The following CDH12 variants were observed in gnomAD, a reference collection of about 807,000 sequenced individuals.
CDH12 encodes cadherin-12.
In CDH12, 41 loss-of-function variants were observed where a neutral mutation model predicts 74.1. The observed-to-expected ratio is 0.55, with a 90% CI of 0.43 to 0.72. The LOEUF (loss-of-function observed/expected upper bound fraction) is 0.72. Among genes scored for constraint, CDH12 ranks in the 30% least tolerant of loss-of-function variants. The probability of loss-of-function intolerance (pLI) is 0.00; values close to 1 mark genes in which losing one functional copy is unlikely to be tolerated. For missense variants in CDH12, 945 were observed against 977.2 expected (o/e 0.97, Z 0.44); for synonymous variants, 399 against 355.0 (o/e 1.12, Z -1.39).
At chr5:22,218,212 C>T (rs551504867) in intron 3 of CDH12, among the ~76,000 whole-genome samples, 39 of 151,546 alleles carry the variant, frequency 2.6e-4, no homozygotes, top group Non-Finnish European at 4.9e-4. Flanking sequence ...AAACGTATGC[C>T]TATCGTGTGA....
chr5:22,759,837 G>C (rs545605390), intron 1 of CDH12, among the ~76,000 whole-genome samples: 2 of 152,270 alleles, frequency 1.3e-5, no homozygotes, highest in Admixed American at 1.3e-4. Context: ...GAAATCTGCA[G>C]GGTAGGTGGG....
intron 2 of CDH12, among the ~76,000 whole-genome samples, chr5:22,485,687 C>G (rs1746563183): frequency 6.6e-6 from 1 of 151,756 alleles, no homozygotes; most frequent in South Asian, 2.1e-4. Context: ...TAGATTTTAC[C>G]TTATCTTATA....
chr5:22,444,539 GTT>G (rs35321671), intron 2 of CDH12, among the ~76,000 whole-genome samples: 10 of 143,100 alleles, frequency 7.0e-5, no homozygotes, highest in Middle Eastern at 3.8e-3. Flanking sequence ...TTTTTTAACA[GTT>G]TTTTTTTTTT....
chr5:21,783,034 A>G (rs1745998428), intron 11 of CDH12, among the ~76,000 whole-genome samples: 1 of 152,170 alleles, frequency 6.6e-6, no homozygotes, highest in African/African-American at 2.4e-5. Context: ...CCTGTGAAAT[A>G]CCCAATGATA....
chr5:21,871,259 TA>T (rs1484881595), intron 6 of CDH12, among the ~76,000 whole-genome samples: 1 of 152,192 alleles, frequency 6.6e-6, no homozygotes, highest in Non-Finnish European at 1.5e-5. Flanking sequence ...AATTCCAGAT[TA>T]ACCATTAAAC....
intron 1 of CDH12, among the ~76,000 whole-genome samples, chr5:22,622,529 G>A (rs186353560): frequency 1.3e-5 from 2 of 152,236 alleles, no homozygotes; most frequent in East Asian, 3.9e-4. Flanking sequence ...TACCATCAGA[G>A]AATACTATAA....
intron 6 of CDH12, among the ~76,000 whole-genome samples, chr5:21,887,912 A>AT (rs35663197): frequency 0.15 from 21,992 of 151,394 alleles, 2,203 homozygotes; most frequent in African/African-American, 0.28. Flanking sequence ...CCAATACTGT[A>AT]TTTTTTTTTT....
intron 2 of CDH12, among the ~76,000 whole-genome samples, chr5:22,452,157 C>T (rs1016239602): frequency 2.0e-5 from 3 of 151,770 alleles, no homozygotes; most frequent in Non-Finnish European, 4.4e-5. Context: ...TCCAAAGTGA[C>T]ATAGAGGTTC....
At chr5:21,852,099 T>G (rs1342313665) in intron 7 of CDH12, among the ~76,000 whole-genome samples, 1 of 151,450 alleles carries the variant, frequency 6.6e-6, no homozygotes, top group Non-Finnish European at 1.5e-5. Flanking sequence ...TTATCCTTGA[T>G]TTTTGATTTA....
chr5:22,009,145 G>A (rs1489079633), intron 5 of CDH12, among the ~76,000 whole-genome samples: 1 of 152,134 alleles, frequency 6.6e-6, no homozygotes, highest in African/African-American at 2.4e-5. Context: ...GCAAGAAGCT[G>A]AGGCGACTAA....
chr5:22,644,076 G>A (rs1316453835), intron 1 of CDH12, among the ~76,000 whole-genome samples: 1 of 151,720 alleles, frequency 6.6e-6, no homozygotes, highest in Non-Finnish European at 1.5e-5. Flanking sequence ...CCTCTCCTCG[G>A]TGCTCCGTAT....
Position 22,269,973 on chromosome 5 carries a change from T to C in CDH12, c.-332-57330A>G, listed in dbSNP as rs114828499. The stretch of plus-strand genomic sequence containing the variant: ...ATAAAATCGTGATTCATTCTACCTA[T>C]TTTGATATGGATAATTACATACATA... On this transcript the variant is annotated intron_variant, in intron 3 of 14. Coordinates refer to ENST00000382254, the MANE Select transcript of CDH12 (RefSeq NM_004061.5). Among the ~76,000 whole-genome samples, 1,191 of 152,284 alleles carry C rather than the reference T, an allele frequency of 7.8e-3. 18 individuals are homozygous for C. Among genetic ancestry groups the C allele is most frequent in the African/African-American group, 0.027 (1,136 of 41,562 alleles).
At chr5:22,179,031 A>T (rs1381325960) in intron 4 of CDH12, among the ~76,000 whole-genome samples, 9 of 152,226 alleles carry the variant, frequency 5.9e-5, no homozygotes, top group African/African-American at 2.2e-4. Context: ...TATCATCTGG[A>T]ATACAAGGGT....
chr5:22,439,078 T>C (rs1352698358), intron 2 of CDH12, among the ~76,000 whole-genome samples: 1 of 151,842 alleles, frequency 6.6e-6, no homozygotes, highest in Non-Finnish European at 1.5e-5. Flanking sequence ...ATCAGGTTAA[T>C]TTGATCATCA....
intron 2 of CDH12, among the ~76,000 whole-genome samples, chr5:22,446,728 A>G (rs1054836860): frequency 6.6e-6 from 1 of 152,144 alleles, no homozygotes; most frequent in Non-Finnish European, 1.5e-5. Context: ...TCTTCAGATT[A>G]TATATTTTTC....
chr5:22,406,441 T>A lies in CDH12; in HGVS notation c.-427-1090A>T, dbSNP rs577503455. Among the ~76,000 whole-genome samples the A allele has an allele frequency of 3.3e-5, 5 of 152,252 alleles. No homozygotes were observed. In the East Asian group the frequency reaches 9.7e-4, roughly 29 times the overall value. ...ATTAATTGTATTCCTCAGCTACAGT[T>A]TACAGGAATATATTTGAGAGGGTTA... On this transcript the variant is annotated intron_variant, in intron 2 of 14. Transcript: ENST00000382254.
intron 1 of CDH12, among the ~76,000 whole-genome samples, chr5:22,648,001 C>T (rs532214682): frequency 1.8e-4 from 27 of 151,844 alleles, no homozygotes; most frequent in African/African-American, 5.3e-4. Context: ...GCTTTTGGAA[C>T]GGTTGTTACT....
chr5:21,904,148 TTCA>T (rs1177050521), intron 6 of CDH12, among the ~76,000 whole-genome samples: 1 of 152,180 alleles, frequency 6.6e-6, no homozygotes, highest in Admixed American at 6.6e-5. Context: ...GCTAATAAAC[TTCA>T]TGTTACATTT....
intron 1 of CDH12, among the ~76,000 whole-genome samples, chr5:22,698,927 A>C (rs1742569607): frequency 6.6e-6 from 1 of 151,704 alleles, no homozygotes; most frequent in Non-Finnish European, 1.5e-5. Context: ...TTGTGATACC[A>C]ATATTTCTTT....
Sources: allele counts gnomAD v4.1 joint callset (sites outside exome capture counted in the v4.1 genomes callset), GRCh38; gene constraint gnomAD v4.1.1; transcripts MANE v1.5; gene names NCBI Gene and HGNC (gene_info 2026-07-23, HGNC 2026-07-21).